NUDT14: variants seen among roughly 807,000 people sequenced by gnomAD.
The protein encoded by NUDT14 is nudix hydrolase 14, also known as uridine diphosphate glucose pyrophosphatase NUDT14.
NUDT14 carries 22 observed loss-of-function variants against 17.5 expected under a neutral mutation model. The observed-to-expected ratio is 1.26, with a 90% CI of 0.90 to 1.80. The LOEUF is 1.80. Among genes scored for constraint, NUDT14 ranks in the 40% most tolerant of loss-of-function variants. NUDT14 has a pLI of 0.00. For missense variants in NUDT14, 296 were observed against 295.6 expected, an observed-to-expected ratio of 1.00 and a Z score of -0.01; for synonymous variants, 129 against 125.8, an observed-to-expected ratio of 1.03 and a Z score of -0.17.
chr14:105,181,264 G>C lies in NUDT14; in HGVS notation c.-55C>G. ...GCTCTGCGGGGGCCGACACGGGGCG[G>C]CGCCCTGTCCCGACAGGAGCCTTCG... On this transcript the variant is annotated 5_prime_UTR_variant, in exon 1 of 5. Coordinates refer to ENST00000392568, the MANE Select transcript of NUDT14 (RefSeq NM_177533.5). The surrounding 1 kb of genome is among the most constrained non-coding windows in gnomAD (Gnocchi z 5.0). The C allele has an allele frequency of 1.4e-6, 1 of 694,614 alleles. No individual in the cohort carries two copies. The highest frequency in any genetic ancestry group is 6.5e-5 in the East Asian group (1 of 15,300). 43.0% of individuals were successfully genotyped at this position (694,614 alleles called of 1,614,324 possible).
chr14:105,178,350 C>T (rs991071364), intron 1 of NUDT14, among the ~76,000 whole-genome samples: 1 of 152,064 alleles, frequency 6.6e-6, no homozygotes, highest in Non-Finnish European at 1.5e-5. Context: ...TCGGCAGCCC[C>T]CCCACACACC....
At chr14:105,174,467 T>G (rs1460572717) in intron 4 of NUDT14, among the ~76,000 whole-genome samples, 1 of 151,914 alleles carries the variant, frequency 6.6e-6, no homozygotes, top group African/African-American at 2.4e-5. Context: ...CCCTCTGAGA[T>G]GTACCCAACA....
At chr14:105,176,180 C>G (rs1326977906) in intron 4 of NUDT14, among the ~76,000 whole-genome samples, 1 of 152,160 alleles carries the variant, frequency 6.6e-6, no homozygotes. Flanking sequence ...GCTTCTCCCT[C>G]ATTCCTAAGC....
Position 105,173,442 on chromosome 14 carries a change from C to T in NUDT14, c.429-181G>A, listed in dbSNP as rs112062556. The T allele has an allele frequency of 1.1e-5, 6 of 532,878 alleles. No homozygotes were observed. The highest frequency in any genetic ancestry group is 5.7e-5 in the South Asian group (1 of 17,444). 33.0% of individuals were successfully genotyped at this position (532,878 alleles called of 1,614,324 possible). ...TGGTGTGCACGCCCGTGGCCCCTCC[C>T]GCAGCAGGGCATCCCTTCCCTGATC... On this transcript the variant is annotated intron_variant, in intron 4 of 4. Coordinates refer to ENST00000392568, the MANE Select transcript of NUDT14 (RefSeq NM_177533.5). The surrounding 1 kb of genome is among the most constrained non-coding windows in gnomAD (Gnocchi z 4.7).
In NUDT14 at chr14:105,176,609, A is replaced by G; in HGVS notation, c.353T>C (p.Val118Ala). ...CTCCTCCCAAGCCTCCTTGCAAGCC[A>G]CTTCCTCCAGCGAGAGCCCAGGCTG... ...VDQPGLSLEEVACKEAWEECG... is the reference protein window; with the variant it reads ...VDQPGLSLEEAACKEAWEECG... Residue 118 changes from valine (V) to alanine (A), a missense_variant, in exon 4 of 5, where the codon GTG (valine) becomes GCG (alanine). Transcript: ENST00000392568. The G allele has an allele frequency of 6.2e-7, 1 of 1,612,664 alleles. No individual in the cohort carries two copies. Among genetic ancestry groups the G allele is most frequent in the Non-Finnish European group, 8.5e-7 (1 of 1,179,936 alleles).
chr14:105,179,344 C>A (rs928599001), intron 1 of NUDT14, among the ~76,000 whole-genome samples: 1 of 152,206 alleles, frequency 6.6e-6, no homozygotes, highest in African/African-American at 2.4e-5. Context: ...AAGCTGAGGG[C>A]TGCAGCTGCC....
In NUDT14 at chr14:105,177,036, G is replaced by T; in HGVS notation, c.126-9C>A. On this transcript the variant is annotated splice_polypyrimidine_tract_variant and intron_variant, in intron 2 of 4. Coordinates refer to ENST00000392568, the MANE Select transcript of NUDT14 (RefSeq NM_177533.5). ...ATAAGAGAACGGTCACGCTGTGTAC[G>T]GGGGGAGGGGCTCAGCACAGAAGCA... 6.2e-7 allele frequency: 1 copy of T among 1,609,850 alleles called. No homozygotes were observed. Among genetic ancestry groups the T allele is most frequent in the Non-Finnish European group, 8.5e-7 (1 of 1,178,920 alleles).
chr14:105,173,564 C>T lies in NUDT14; in HGVS notation c.429-303G>A. 1 of 277,028 alleles carries T rather than the reference C, an allele frequency of 3.6e-6. No individual in the cohort carries two copies. Among genetic ancestry groups the T allele is most frequent in the Middle Eastern group, 1.0e-3 (1 of 984 alleles). 17.2% of individuals were successfully genotyped at this position (277,028 alleles called of 1,614,324 possible). A position where few individuals can be genotyped will look rare whatever the true frequency, so the allele number is the denominator to read the frequency against. ...CAGAAGGGAGAGCATCCTAGGCGGG[C>T]ATGGCCCGATCACGAAGCCCTCCAG... On this transcript the variant is annotated intron_variant, in intron 4 of 4. Coordinates refer to ENST00000392568, the MANE Select transcript of NUDT14 (RefSeq NM_177533.5). The surrounding 1 kb of genome is among the most constrained non-coding windows in gnomAD (Gnocchi z 4.7).
Position 105,181,213 on chromosome 14 carries a change from G to A in NUDT14, c.-4C>T, listed in dbSNP as rs1467701932. The stretch of plus-strand genomic sequence containing the variant: ...ACGCCCCCTCGATGCGCTCCATGGC[G>A]GCGCCCGGACAGGCGGGGGCCGCGA... On this transcript the variant is annotated 5_prime_UTR_variant, in exon 1 of 5. Transcript: ENST00000392568. The surrounding 1 kb of genome is among the most constrained non-coding windows in gnomAD (Gnocchi z 5.0). 8.7e-7 allele frequency: 1 copy of A among 1,143,436 alleles called. No homozygotes were observed. Among genetic ancestry groups the A allele is most frequent in the Non-Finnish European group, 1.1e-6 (1 of 927,852 alleles). 70.8% of individuals were successfully genotyped at this position (1,143,436 alleles called of 1,614,324 possible). A position where few individuals can be genotyped will look rare whatever the true frequency, so the allele number is the denominator to read the frequency against.
At chr14:105,180,186 C>T (rs1889296409) in intron 1 of NUDT14, among the ~76,000 whole-genome samples, 1 of 152,212 alleles carries the variant, frequency 6.6e-6, no homozygotes, top group Non-Finnish European at 1.5e-5. Flanking sequence ...GCTCCTTCAC[C>T]CAACACATAT....
chr14:105,175,857 C>G, intron 4 of NUDT14: 1 of 1,096,226 alleles, frequency 9.1e-7, no homozygotes, highest in Non-Finnish European at 1.1e-6. Context: ...CGGTGCTTCT[C>G]CCAGTGGAGC....
chr14:105,178,895 A>G lies in NUDT14; in HGVS notation c.82-1160T>C, dbSNP rs970858888. Among the ~76,000 whole-genome samples, 5 of 152,146 alleles carry G rather than the reference A, an allele frequency of 3.3e-5. No homozygotes were observed. In the South Asian group the frequency reaches 1.0e-3, roughly 31 times the overall value. The stretch of plus-strand genomic sequence containing the variant: ...CCTGGGAGGAGAGTACCGGTTTCCA[A>G]GGGAAGGGAGGGCCGGCGTCCCGCG... On this transcript the variant is annotated intron_variant, in intron 1 of 4. Coordinates refer to ENST00000392568, the MANE Select transcript of NUDT14 (RefSeq NM_177533.5).
At chr14:105,175,915 G>T (rs1249768020) in intron 4 of NUDT14, 1 of 1,213,066 alleles carries the variant, frequency 8.2e-7, no homozygotes, top group Non-Finnish European at 1.1e-6. Context: ...CTCAGCTGGT[G>T]GGGGTGGGGG....
In NUDT14 at chr14:105,181,112, CG is replaced by C. The variant is rs1889318248; in HGVS notation, c.81+16del. The stretch of plus-strand genomic sequence containing the variant: ...GCCGCCGGCGGGGGCGCGGGGGACG[CG>C]GGGGCGCGGGCTCACCTGGCGGTAA... On this transcript the variant is annotated intron_variant, in intron 1 of 4. Transcript: ENST00000392568. This position sits in a 1 kb window ranked among gnomAD's most constrained non-coding sequence, Gnocchi z 5.0. The C allele has an allele frequency of 3.1e-6, 3 of 970,634 alleles. No individual in the cohort carries two copies. The highest frequency in any genetic ancestry group is 4.6e-5 in the South Asian group (1 of 21,830). 60.1% of individuals were successfully genotyped at this position (970,634 alleles called of 1,614,324 possible). A position where few individuals can be genotyped will look rare whatever the true frequency, so the allele number is the denominator to read the frequency against.
Position 105,176,829 on chromosome 14 carries a change from C to A in NUDT14, c.191-58G>T, listed in dbSNP as rs770222998. ...CCACGTGGTGGCCACCTCCAGGTCA[C>A]CCACACAGCCAAGCCCCCTCCCAGG... is the stretch of plus-strand genomic sequence containing the variant. On this transcript the variant is annotated intron_variant, in intron 3 of 4. Transcript: ENST00000392568. The A allele has an allele frequency of 3.8e-6, 6 of 1,575,750 alleles. 1 individual carries two copies. In the African/African-American group the frequency reaches 6.7e-5, roughly 18 times the overall value.
intron 4 of NUDT14, among the ~76,000 whole-genome samples, chr14:105,175,013 C>A (rs1889180785): frequency 6.6e-6 from 1 of 152,238 alleles, no homozygotes; most frequent in Non-Finnish European, 1.5e-5. Context: ...ATCCCTGAAG[C>A]CACGGCCTGC....
chr14:105,173,453 A>G lies in NUDT14; in HGVS notation c.429-192T>C. 1 of 489,538 alleles carries G rather than the reference A, an allele frequency of 2.0e-6. No individual in the cohort carries two copies. 30.3% of individuals were successfully genotyped at this position (489,538 alleles called of 1,614,324 possible). ...CCCGTGGCCCCTCCCGCAGCAGGGCATCCCTTCCCTGATCACGTTGTACTC... is the reference window on the plus strand; with the variant it reads ...CCCGTGGCCCCTCCCGCAGCAGGGCGTCCCTTCCCTGATCACGTTGTACTC... On this transcript the variant is annotated intron_variant, in intron 4 of 4. Coordinates refer to ENST00000392568, the MANE Select transcript of NUDT14 (RefSeq NM_177533.5). The surrounding 1 kb of genome is among the most constrained non-coding windows in gnomAD (Gnocchi z 4.7).
In NUDT14 at chr14:105,181,154, C is replaced by G. The variant is rs1330783073; in HGVS notation, c.56G>C (p.Arg19Pro). 2 of 1,160,200 alleles carry G rather than the reference C, an allele frequency of 1.7e-6. No homozygotes were observed. Among genetic ancestry groups the G allele is most frequent in the South Asian group, 5.0e-5 (2 of 39,902 alleles). The allele number at this position is 1,160,200 out of a possible 1,614,324, so 71.9% of individuals were successfully genotyped here. A position where few individuals can be genotyped will look rare whatever the true frequency, so the allele number is the denominator to read the frequency against. ...CTGGCGGTAATGCAGCGTGAGCGGC[C>G]GCAGGTAGGGTGAGGCGGCGCAGCG... ...VGRCAASPYL[R>P]PLTLHYRQNG... is the part of the protein sequence containing the mutation. Residue 19 changes from arginine (R) to proline (P), a missense_variant, in exon 1 of 5, where the codon CGG (arginine) becomes CCG (proline). By Grantham distance (103) the Arg-to-Pro change is moderately radical. Transcript: ENST00000392568. This position sits in a 1 kb window ranked among gnomAD's most constrained non-coding sequence, Gnocchi z 5.0.
intron 2 of NUDT14, 23 bp from the exon 3 acceptor site, chr14:105,177,050 A>G: frequency 6.2e-7 from 1 of 1,607,480 alleles, no homozygotes; most frequent in Non-Finnish European, 8.5e-7. Context: ...GGAGGGGCTC[A>G]GCACAGAAGC....
Sources: gnomAD v4.1 joint callset for allele counts (sites outside exome capture counted in the v4.1 genomes callset) on GRCh38, gnomAD v4.1.1 for gene constraint, Gnocchi (gnomAD v3.1) non-coding constraint, MANE v1.5 for transcripts, NCBI Gene and HGNC (gene_info 2026-07-23, HGNC 2026-07-21) for gene names.